HMCN2: variants seen among roughly 807,000 people sequenced by gnomAD.
HMCN2 encodes hemicentin-2.
HMCN2 carries 325 observed loss-of-function variants against 377.5 expected under a neutral mutation model. The ratio of observed to expected loss-of-function variants is 0.86; its 90% CI spans 0.79 to 0.94. HMCN2 has a LOEUF of 0.94. HMCN2 is among the 40% of genes least tolerant of loss of function. The pLI, the probability that HMCN2 is intolerant of heterozygous loss-of-function variation, is 0.00. For synonymous variants in HMCN2, 2,007 were observed against 2,046.8 expected (o/e 0.98, Z 0.53); for missense variants, 4,543 against 4,725.3 (o/e 0.96, Z 1.13).
intron 54 of HMCN2, among the ~76,000 whole-genome samples, chr9:130,379,994 G>A (rs754757541): frequency 6.7e-4 from 102 of 152,274 alleles, no homozygotes; most frequent in Non-Finnish European, 1.0e-3. Flanking sequence ...TCCTGCCTCA[G>A]CCTCCCAAGT....
chr9:130,425,691 TTG>T lies in HMCN2; in HGVS notation c.13647_13648del (p.Phe4549LeufsTer61). ...CCCCTCCTCTTCATCCTGCAGGACTTTGAGGAGCACTACGTGCAAACAGGGCC... is the reference window on the plus strand; with the variant it reads ...CCCCTCCTCTTCATCCTGCAGGACTTAGGAGCACTACGTGCAAACAGGGCC... On this transcript the variant is annotated frameshift_variant, in exon 90 of 98. Transcript: ENST00000683500. LOFTEE classifies it high-confidence loss of function. The T allele has an allele frequency of 6.9e-7, 1 of 1,449,944 alleles. No homozygotes were observed. The highest frequency in any genetic ancestry group is 9.3e-7 in the Non-Finnish European group (1 of 1,080,022). 89.8% of individuals were successfully genotyped at this position (1,449,944 alleles called of 1,614,324 possible).
At position 130,433,711 on chromosome 9, in the gene HMCN2, C is replaced by A; in HGVS notation, c.*18C>A. 2 of 1,448,724 alleles carry A rather than the reference C, an allele frequency of 1.4e-6. No individual in the cohort carries two copies. The highest frequency in any genetic ancestry group is 3.0e-5 in the Admixed American group (1 of 33,800). 89.7% of individuals were successfully genotyped at this position (1,448,724 alleles called of 1,614,324 possible). A position where few individuals can be genotyped will look rare whatever the true frequency, so the allele number is the denominator to read the frequency against. ...CCTACTAAACGGGAGAGGGCATTGG[C>A]GGCCGCCCTGGCGTGACCCCCGAGG... On this transcript the variant is annotated 3_prime_UTR_variant, in exon 98 of 98. Coordinates refer to ENST00000683500, the MANE Select transcript of HMCN2 (RefSeq NM_001291815.2).
intron 39 of HMCN2, among the ~76,000 whole-genome samples, chr9:130,362,630 G>A (rs1840444935): frequency 6.6e-6 from 1 of 152,280 alleles, no homozygotes; most frequent in African/African-American, 2.4e-5. Context: ...TGTGTGGCGA[G>A]TGGACAGAGG....
rs71499234 is a variant in HMCN2 at position 130,366,467 on chromosome 9, A to ATTTTTTTTTTTTTTT, written c.6625+484_6625+498dup. Among the ~76,000 whole-genome samples, 2 of 82,976 alleles carry ATTTTTTTTTTTTTTT rather than the reference A, an allele frequency of 2.4e-5. 1 individual carries two copies. The highest frequency in any genetic ancestry group is 4.4e-5 in the Non-Finnish European group (2 of 45,926). The allele number at this position is 82,976 out of a possible 152,430, so 54.4% of individuals were successfully genotyped here. A position where few individuals can be genotyped will look rare whatever the true frequency, so the allele number is the denominator to read the frequency against. ...AAAACATTTGGAATTCACTTCACCA[A>ATTTTTTTTTTTTTTT]TTTTTTTTTTTTTTTTTTTTTTTTT... On this transcript the variant is annotated intron_variant, in intron 43 of 97. Transcript: ENST00000683500.
At position 130,384,382 on chromosome 9, in the gene HMCN2, G is replaced by A. The variant is rs1841901303; in HGVS notation, c.8840G>A (p.Arg2947Gln). ...LFTLRVQVPP[R>Q]IAGLDLEQVT... The stretch of plus-strand genomic sequence containing the variant: ...GTGGCTGTGGGGATAGTCCCGCCAC[G>A]AATCGCAGGCCTGGACTTGGAGCAG... The change falls in exon 58 of 98, where the codon CGA becomes CAA. Residue 2947 changes from arginine to glutamine, a missense_variant. Physicochemically the swap from Arg to Gln is conservative, Grantham distance 43 (BLOSUM62 1). Around this residue, in one of 5 missense-constraint regions of HMCN2, gnomAD observed 736 missense variants for 773.2 expected, o/e 0.95. Coordinates refer to ENST00000683500, the MANE Select transcript of HMCN2 (RefSeq NM_001291815.2). 7.7e-6 allele frequency: 10 copies of A among 1,298,014 alleles called. No individual in the cohort carries two copies. The highest frequency in any genetic ancestry group is 1.5e-5 in the African/African-American group (1 of 65,734). The allele number at this position is 1,298,014 out of a possible 1,614,324, so 80.4% of individuals were successfully genotyped here. A position where few individuals can be genotyped will look rare whatever the true frequency, so the allele number is the denominator to read the frequency against.
At chr9:130,370,851 C>T in intron 45 of HMCN2, 113 bp from the exon 46 acceptor site, 5 of 615,214 alleles carry the variant, frequency 8.1e-6, no homozygotes, top group Non-Finnish European at 1.0e-5. Flanking sequence ...ACTTCTGCTC[C>T]TCAGACTCTC....
chr9:130,345,837 G>C (rs1839364853), intron 25 of HMCN2, among the ~76,000 whole-genome samples: 1 of 151,992 alleles, frequency 6.6e-6, no homozygotes, highest in Non-Finnish European at 1.5e-5. Context: ...CAGCAGGGAG[G>C]GTCTCTGGCA....
At chr9:130,390,616 G>C (rs537951783) in intron 62 of HMCN2, among the ~76,000 whole-genome samples, 4 of 152,242 alleles carry the variant, frequency 2.6e-5, no homozygotes, top group Non-Finnish European at 5.9e-5. Flanking sequence ...GACCTGTGTA[G>C]GGTCAGTGAG....
Position 130,393,313 on chromosome 9 carries a change from T to C in HMCN2, c.10234+4T>C. ...AACTTCACCTTGCAGGTGCAGGGTATGGAGCAGGGGGTGGGGCAAGGGGGT... is the reference window on the plus strand; with the variant it reads ...AACTTCACCTTGCAGGTGCAGGGTACGGAGCAGGGGGTGGGGCAAGGGGGT... On this transcript the variant is annotated splice_donor_region_variant and intron_variant, in intron 67 of 97. Coordinates refer to ENST00000683500, the MANE Select transcript of HMCN2 (RefSeq NM_001291815.2). The surrounding 1 kb of genome is among the most constrained non-coding windows in gnomAD (Gnocchi z 5.2). The C allele has an allele frequency of 1.0e-6, 1 of 989,684 alleles. No homozygotes were observed. Among genetic ancestry groups the C allele is most frequent in the Non-Finnish European group, 1.2e-6 (1 of 831,062 alleles). The allele number at this position is 989,684 out of a possible 1,614,324, so 61.3% of individuals were successfully genotyped here.
chr9:130,307,363 G>T (rs1414149400), intron 13 of HMCN2, 90 bp from the exon 14 acceptor site: 1 of 461,868 alleles, frequency 2.2e-6, no homozygotes, highest in Non-Finnish European at 4.5e-6. Flanking sequence ...GGTGAGTTGG[G>T]ATGAGGGAGA....
At chr9:130,355,893 C>T in intron 33 of HMCN2, 39 bp downstream of exon 33, 1 of 1,185,776 alleles carries the variant, frequency 8.4e-7, no homozygotes, top group Non-Finnish European at 1.1e-6. Context: ...TGGGGGTAGG[C>T]AGAGAGCGTG....
chr9:130,400,005 C>A (rs988097411), intron 76 of HMCN2, among the ~76,000 whole-genome samples: 2 of 152,222 alleles, frequency 1.3e-5, no homozygotes, highest in Admixed American at 6.5e-5. Context: ...AGATTCAGCT[C>A]ACGCCAGACC....
intron 15 of HMCN2, among the ~76,000 whole-genome samples, chr9:130,315,037 G>A (rs1444361801): frequency 3.3e-5 from 5 of 151,776 alleles, no homozygotes; most frequent in African/African-American, 1.2e-4. Flanking sequence ...CCCTGGGAGG[G>A]GAGCGTGGCC....
At chr9:130,289,872 C>T (rs1835648292) in intron 4 of HMCN2, among the ~76,000 whole-genome samples, 1 of 152,222 alleles carries the variant, frequency 6.6e-6, no homozygotes, top group Non-Finnish European at 1.5e-5. Flanking sequence ...GGACCCACAG[C>T]CCCATCCTCT....
chr9:130,373,728 G>A (rs1841203516), intron 48 of HMCN2, among the ~76,000 whole-genome samples: 1 of 91,066 alleles, frequency 1.1e-5, no homozygotes, highest in African/African-American at 2.9e-5. Flanking sequence ...TGGATGGATG[G>A]ATAGGTAGGT....
At chr9:130,278,338 T>A (rs1418513846) in intron 1 of HMCN2, among the ~76,000 whole-genome samples, 2 of 151,888 alleles carry the variant, frequency 1.3e-5, no homozygotes, top group South Asian at 2.1e-4. Context: ...GTTAGCCAGG[T>A]TGGTCTTGAT....
At chr9:130,376,056 C>A in intron 51 of HMCN2, 67 bp downstream of exon 51, 3 of 577,298 alleles carry the variant, frequency 5.2e-6, no homozygotes, top group Non-Finnish European at 6.6e-6. Flanking sequence ...GGGGCCCAGG[C>A]ACCTGAGCCA....
chr9:130,407,421 G>T, intron 82 of HMCN2, 150 bp from the exon 83 acceptor site: 1 of 569,980 alleles, frequency 1.8e-6, no homozygotes, highest in South Asian at 1.9e-5. Context: ...TGTGGCCTGT[G>T]CCTCCCAGGA....
intron 62 of HMCN2, among the ~76,000 whole-genome samples, chr9:130,389,179 C>T (rs938825101): frequency 5.3e-5 from 8 of 152,220 alleles, no homozygotes; most frequent in East Asian, 3.8e-4. Context: ...ATGCGCTAAA[C>T]GTGGCTGTGC....
Sources: gnomAD v4.1 joint callset for allele counts (sites outside exome capture counted in the v4.1 genomes callset) on GRCh38, gnomAD v4.1.1 for gene constraint, gnomAD v4.1.1 regional missense constraint, Gnocchi (gnomAD v3.1) non-coding constraint, MANE v1.5 for transcripts, NCBI Gene and HGNC (gene_info 2026-07-23, HGNC 2026-07-21) for gene names.